The following PRKCQ variants were observed in gnomAD, a reference collection of about 807,000 sequenced individuals.
PRKCQ encodes the protein protein kinase C theta type.
PRKCQ carries 41 observed loss-of-function variants against 91.2 expected under a neutral mutation model. The ratio of observed to expected loss-of-function variants is 0.45; its 90% CI spans 0.35 to 0.58. The LOEUF (loss-of-function observed/expected upper bound fraction) is 0.58, where lower values mean the gene tolerates loss of function less well. Ranked by LOEUF, PRKCQ falls within the 20% of genes least tolerant of loss-of-function variation. PRKCQ has a pLI of 0.00. For missense variants in PRKCQ, 673 were observed against 896.5 expected (o/e 0.75, Z 3.18); for synonymous variants, 307 against 316.9 (o/e 0.97, Z 0.33).
chr10:6,435,008 G>A (rs533561923), intron 16 of PRKCQ, among the ~76,000 whole-genome samples: 17 of 152,244 alleles, frequency 1.1e-4, no homozygotes, highest in Middle Eastern at 3.4e-3. Context: ...TCCGCCTCCC[G>A]CGTTCATGCC....
intron 1 of PRKCQ, among the ~76,000 whole-genome samples, chr10:6,541,620 T>C (rs560787640): frequency 2.4e-4 from 37 of 152,340 alleles, no homozygotes; most frequent in South Asian, 1.0e-3. Flanking sequence ...CTGGGGACTC[T>C]ACAAAAATGG....
intron 12 of PRKCQ, among the ~76,000 whole-genome samples, chr10:6,471,016 C>T (rs1052192238): frequency 2.6e-5 from 4 of 151,638 alleles, no homozygotes; most frequent in African/African-American, 7.3e-5. Flanking sequence ...AATAATGAAA[C>T]AGGAGGTCAG....
At chr10:6,503,264 G>A (rs1037248067) in intron 4 of PRKCQ, among the ~76,000 whole-genome samples, 5 of 152,226 alleles carry the variant, frequency 3.3e-5, no homozygotes, top group Admixed American at 2.0e-4. Flanking sequence ...AGGAAGATGA[G>A]CTCTGAAAAA....
Position 6,576,332 on chromosome 10 carries a change from T to C in PRKCQ, c.-10+3879A>G, listed in dbSNP as rs759971373. Among the ~76,000 whole-genome samples, 4 of 152,066 alleles carry C rather than the reference T, an allele frequency of 2.6e-5. No homozygotes were observed. The highest frequency in any genetic ancestry group is 4.4e-5 in the Non-Finnish European group (3 of 68,012). ...TCAACAGATACAAGGATAAGCAAAA[T>C]GTGGTATATCCATAAATGGAATAGT... On this transcript the variant is annotated intron_variant, in intron 1 of 17. Coordinates refer to ENST00000263125, the MANE Select transcript of PRKCQ (RefSeq NM_006257.5). This position sits in a 1 kb window ranked among gnomAD's most constrained non-coding sequence, Gnocchi z 4.2.
In PRKCQ at chr10:6,441,883, C is replaced by T. The variant is rs201724079; in HGVS notation, c.1836+10G>A. 1.5e-4 allele frequency: 239 copies of T among 1,587,710 alleles called. No individual in the cohort carries two copies. Among genetic ancestry groups the T allele is most frequent in the Admixed American group, 4.5e-4 (26 of 58,390 alleles). On this transcript the variant is annotated intron_variant, in intron 16 of 17. Coordinates refer to ENST00000263125, the MANE Select transcript of PRKCQ (RefSeq NM_006257.5). ...CGTCTTATGAAGACGCTCTTGGCTT[C>T]GCTTCTTACCTTCACCAGAAGGTCC...
chr10:6,547,752 A>C (rs1312700163), intron 1 of PRKCQ, among the ~76,000 whole-genome samples: 3 of 152,060 alleles, frequency 2.0e-5, no homozygotes, highest in Admixed American at 2.0e-4. Flanking sequence ...TAAAGACTTC[A>C]ACGTTAGACC....
downstream of PRKCQ, among the ~76,000 whole-genome samples, chr10:6,426,170 G>A (rs1003630783): frequency 6.6e-6 from 1 of 151,402 alleles, no homozygotes; most frequent in Admixed American, 6.6e-5. Flanking sequence ...TTTAGATAGC[G>A]TCTTCACCAA....
At chr10:6,570,947 G>A (rs1244982422) in intron 1 of PRKCQ, among the ~76,000 whole-genome samples, 1 of 152,138 alleles carries the variant, frequency 6.6e-6, no homozygotes, top group Admixed American at 6.5e-5. Flanking sequence ...ATCCCCAGGT[G>A]GGGGCAGTTC....
At chr10:6,544,648 T>G (rs1333165972) in intron 1 of PRKCQ, among the ~76,000 whole-genome samples, 4 of 145,610 alleles carry the variant, frequency 2.7e-5, no homozygotes, top group African/African-American at 7.7e-5. Flanking sequence ...TTTTGAGGAG[T>G]CTCTTTCTAT....
chr10:6,523,601 C>A (rs938639534), intron 1 of PRKCQ, among the ~76,000 whole-genome samples: 9 of 152,252 alleles, frequency 5.9e-5, no homozygotes, highest in African/African-American at 1.7e-4. Flanking sequence ...AAGTGTTGCC[C>A]TCCTGCCTGC....
intron 4 of PRKCQ, among the ~76,000 whole-genome samples, chr10:6,500,446 T>G (rs1400253254): frequency 6.6e-6 from 1 of 151,124 alleles, no homozygotes; most frequent in African/African-American, 2.4e-5. Context: ...TGTCTACATA[T>G]AGTTTATATT....
In PRKCQ at chr10:6,428,198, G is replaced by A. The variant is rs766059363; in HGVS notation, c.*9C>T. On this transcript the variant is annotated 3_prime_UTR_variant, in exon 18 of 18. Transcript: ENST00000263125. Reference sequence around the variant, plus strand: ...GGCAAATTCTTTCCTGTCTCTGGAGGGGCAAGATTCAGGATATCAGCCGCT... The same window carrying A: ...GGCAAATTCTTTCCTGTCTCTGGAGAGGCAAGATTCAGGATATCAGCCGCT... 1 of 1,614,092 alleles carries A rather than the reference G, an allele frequency of 6.2e-7. No homozygotes were observed. The highest frequency in any genetic ancestry group is 1.1e-5 in the South Asian group (1 of 91,066).
At chr10:6,481,373 A>C (rs1051283456) in intron 11 of PRKCQ, among the ~76,000 whole-genome samples, 12 of 152,270 alleles carry the variant, frequency 7.9e-5, no homozygotes, top group African/African-American at 2.4e-4. Flanking sequence ...TAAGAAGCCA[A>C]AAAGACAATT....
the PRKCQ span, among the ~76,000 whole-genome samples, chr10:6,406,000 G>C: frequency 3.4e-3 from 523 of 152,316 alleles, 6 homozygotes; most frequent in Non-Finnish European, 4.7e-3. Flanking sequence ...CGCACATTCA[G>C]AGGGCCCATC....
At chr10:6,424,877 ACTATAC>A (rs1448590667), downstream of PRKCQ, among the ~76,000 whole-genome samples, 2 of 152,048 alleles carry the variant, frequency 1.3e-5, no homozygotes, top group Admixed American at 1.3e-4. Context: ...AAAACCTTTA[ACTATAC>A]CCTGAGGTAA....
Position 6,428,073 on chromosome 10 carries a change from G to T in PRKCQ, c.*134C>A. 1 of 1,109,702 alleles carries T rather than the reference G, an allele frequency of 9.0e-7. No homozygotes were observed. Among genetic ancestry groups the T allele is most frequent in the Non-Finnish European group, 1.3e-6 (1 of 771,438 alleles). The allele number at this position is 1,109,702 out of a possible 1,614,324, so 68.7% of individuals were successfully genotyped here. ...TCTGCTACAGATAAAAGTCACATGG[G>T]GGCGAACGGGTCTCAGTCTTTATTG... On this transcript the variant is annotated 3_prime_UTR_variant, in exon 18 of 18. Transcript: ENST00000263125.
intron 4 of PRKCQ, among the ~76,000 whole-genome samples, chr10:6,504,678 G>A (rs979631491): frequency 2.6e-5 from 4 of 152,214 alleles, no homozygotes; most frequent in Admixed American, 2.6e-4. Flanking sequence ...AGAAGAACAC[G>A]TTTTGCTTTT....
At chr10:6,532,818 C>T (rs1349092899) in intron 1 of PRKCQ, among the ~76,000 whole-genome samples, 1 of 152,198 alleles carries the variant, frequency 6.6e-6, no homozygotes, top group Non-Finnish European at 1.5e-5. Flanking sequence ...GCTGCTAAAT[C>T]TAAGAGATAT....
chr10:6,572,036 T>G (rs73617892), intron 1 of PRKCQ, among the ~76,000 whole-genome samples: 2,178 of 152,262 alleles, frequency 0.014, 47 homozygotes, highest in African/African-American at 0.05. Context: ...CTGGCTTCTC[T>G]GTAAGCTGTG....
Sources: allele counts gnomAD v4.1 joint callset (sites outside exome capture counted in the v4.1 genomes callset), GRCh38; gene constraint gnomAD v4.1.1; non-coding constraint Gnocchi (gnomAD v3.1); transcripts MANE v1.5; gene names NCBI Gene and HGNC (gene_info 2026-07-23, HGNC 2026-07-21).